The following PLS1 variants were observed in gnomAD, a reference collection of about 807,000 sequenced individuals.
The protein encoded by PLS1 is plastin 1, also known as plastin-1.
A neutral mutation model predicts 73.7 loss-of-function variants in PLS1; 32 were observed. The observed-to-expected ratio is 0.43, with a 90% CI of 0.33 to 0.58. The LOEUF (loss-of-function observed/expected upper bound fraction) is 0.58. Ranked by LOEUF, PLS1 falls within the 20% of genes least tolerant of loss-of-function variation. PLS1 has a pLI of 0.04. For synonymous variants in PLS1, 217 were observed against 261.3 expected (o/e 0.83, Z 1.63); for missense variants, 633 against 740.5 (o/e 0.85, Z 1.68).
intron 11 of PLS1, among the ~76,000 whole-genome samples, chr3:142,695,864 G>T (rs80122080): frequency 6.6e-6 from 1 of 151,082 alleles, no homozygotes; most frequent in Admixed American, 6.6e-5. Flanking sequence ...GTGTGATCTC[G>T]GCTCACCGCA....
chr3:142,642,433 A>G (rs1024758057), intron 1 of PLS1, among the ~76,000 whole-genome samples: 1 of 152,232 alleles, frequency 6.6e-6, no homozygotes, highest in Admixed American at 6.5e-5. Flanking sequence ...ATTTTGGAAT[A>G]CTTCTGTAGA....
intron 1 of PLS1, among the ~76,000 whole-genome samples, chr3:142,604,690 T>C (rs548579512): frequency 5.8e-4 from 89 of 152,262 alleles, no homozygotes; most frequent in Middle Eastern, 3.4e-3. Flanking sequence ...ATCCCAGCAC[T>C]TTGGGAGGCC....
intron 14 of PLS1, among the ~76,000 whole-genome samples, chr3:142,708,897 T>G (rs928981331): frequency 1.3e-5 from 2 of 152,200 alleles, no homozygotes; most frequent in African/African-American, 4.8e-5. Context: ...CTTTAGAAAC[T>G]TAAATTCTTC....
chr3:142,613,445 C>G (rs761493997), intron 1 of PLS1, among the ~76,000 whole-genome samples: 1 of 151,684 alleles, frequency 6.6e-6, no homozygotes, highest in Non-Finnish European at 1.5e-5. Context: ...CCATTGTACT[C>G]CAGCCTGGGT....
chr3:142,660,072 G>C (rs1032540030), intron 1 of PLS1, among the ~76,000 whole-genome samples: 7 of 152,050 alleles, frequency 4.6e-5, no homozygotes, highest in African/African-American at 1.7e-4. Flanking sequence ...TCTTCCTTGA[G>C]CCTTTTAAAA....
At chr3:142,679,951 G>C (rs1442094016) in intron 6 of PLS1, among the ~76,000 whole-genome samples, 1 of 151,852 alleles carries the variant, frequency 6.6e-6, no homozygotes, top group Non-Finnish European at 1.5e-5. Flanking sequence ...TTATTTCATT[G>C]AGCAGTGGTT....
At chr3:142,656,112 C>A (rs549509591) in intron 1 of PLS1, among the ~76,000 whole-genome samples, 57 of 152,210 alleles carry the variant, frequency 3.7e-4, no homozygotes, top group African/African-American at 1.3e-3. Context: ...TAGGTGCATG[C>A]CATCAGGCCT....
intron 1 of PLS1, among the ~76,000 whole-genome samples, chr3:142,609,125 C>G (rs1421733822): frequency 6.6e-6 from 1 of 152,178 alleles, no homozygotes; most frequent in East Asian, 1.9e-4. Context: ...GCTTATTCAG[C>G]TAATTTTTGT....
intron 6 of PLS1, among the ~76,000 whole-genome samples, chr3:142,678,989 A>G (rs1011504250): frequency 1.1e-4 from 16 of 151,912 alleles, no homozygotes; most frequent in Admixed American, 2.6e-4. Flanking sequence ...ATGGTATCTC[A>G]TTGTGGTTTT....
intron 1 of PLS1, among the ~76,000 whole-genome samples, chr3:142,657,549 G>A (rs903361090): frequency 2.6e-5 from 4 of 152,168 alleles, no homozygotes; most frequent in Admixed American, 6.5e-5. Flanking sequence ...GTACAGTGGC[G>A]CGATCTCTGC....
intron 2 of PLS1, among the ~76,000 whole-genome samples, chr3:142,668,555 T>G (rs1263749332): frequency 6.6e-6 from 1 of 152,074 alleles, no homozygotes; most frequent in East Asian, 1.9e-4. Flanking sequence ...GAAGTTAAAG[T>G]CTGAGTGGGT....
At position 142,669,574 on chromosome 3, in the gene PLS1, G is replaced by A. The variant is rs75677187; in HGVS notation, c.234+21G>A. 237 of 1,583,416 alleles carry A rather than the reference G, an allele frequency of 1.5e-4. No individual in the cohort carries two copies. The African/African-American group carries it at 2.2e-3, about 15-fold the overall frequency. On this transcript the variant is annotated intron_variant, in intron 3 of 15. Coordinates refer to ENST00000457734, the MANE Select transcript of PLS1 (RefSeq NM_001145319.2). Reference sequence around the variant, plus strand: ...TGTCAGTAAGTAATCTAATCCTTTCGGGCTACTGATAATCTTGCTTAGAGC... The same window carrying A: ...TGTCAGTAAGTAATCTAATCCTTTCAGGCTACTGATAATCTTGCTTAGAGC...
At chr3:142,617,634 A>C (rs1397498637) in intron 1 of PLS1, among the ~76,000 whole-genome samples, 1 of 152,192 alleles carries the variant, frequency 6.6e-6, no homozygotes, top group Non-Finnish European at 1.5e-5. Flanking sequence ...GAGACCCAGG[A>C]ATCTGCATTC....
intron 1 of PLS1, among the ~76,000 whole-genome samples, chr3:142,639,966 T>G (rs1163636435): frequency 6.6e-6 from 1 of 152,236 alleles, no homozygotes; most frequent in African/African-American, 2.4e-5. Flanking sequence ...GTATTTCAAG[T>G]GTCTAACGAA....
chr3:142,624,936 TGGA>T (rs2036390438), intron 1 of PLS1, among the ~76,000 whole-genome samples: 1 of 142,140 alleles, frequency 7.0e-6, no homozygotes, highest in South Asian at 2.2e-4. Flanking sequence ...TGTATTCTTG[TGGA>T]GGAGGAGGAT....
chr3:142,675,309 T>C (rs1443177128), intron 4 of PLS1, among the ~76,000 whole-genome samples: 2 of 152,218 alleles, frequency 1.3e-5, no homozygotes, highest in Non-Finnish European at 2.9e-5. Context: ...TCAAACCAAA[T>C]ATATATTGTG....
chr3:142,632,799 A>G (rs1378574695), intron 1 of PLS1, among the ~76,000 whole-genome samples: 2 of 152,148 alleles, frequency 1.3e-5, no homozygotes, highest in Admixed American at 6.5e-5. Flanking sequence ...GGGTTTTACC[A>G]TGTTGGCCGG....
chr3:142,641,617 C>T (rs369645323), intron 1 of PLS1, among the ~76,000 whole-genome samples: 10 of 151,738 alleles, frequency 6.6e-5, no homozygotes, highest in Non-Finnish European at 1.5e-4. Flanking sequence ...TCTTACAGTT[C>T]GTAATTTTTG....
intron 1 of PLS1, among the ~76,000 whole-genome samples, chr3:142,626,174 C>G (rs1224139690): frequency 6.6e-6 from 1 of 152,118 alleles, no homozygotes; most frequent in Non-Finnish European, 1.5e-5. Context: ...AGAGCACAGA[C>G]AGATCAGGAG....
Sources: allele counts gnomAD v4.1 joint callset (sites outside exome capture counted in the v4.1 genomes callset), GRCh38; gene constraint gnomAD v4.1.1; transcripts MANE v1.5; gene names NCBI Gene and HGNC (gene_info 2026-07-23, HGNC 2026-07-21).